RBPJ: variants seen among roughly 807,000 people sequenced by gnomAD.
The protein encoded by RBPJ is recombination signal binding protein for immunoglobulin kappa J region.
A neutral mutation model predicts 67.8 loss-of-function variants in RBPJ; 9 were observed. The ratio of observed to expected loss-of-function variants is 0.13; its 90% CI spans 0.08 to 0.23. The LOEUF is 0.23. RBPJ is among the 10% of genes least tolerant of loss of function. The pLI is 1.00. For synonymous variants in RBPJ, 198 were observed against 203.3 expected, an observed-to-expected ratio of 0.97 and a Z score of 0.22; for missense variants, 305 against 595.6, an observed-to-expected ratio of 0.51 and a Z score of 5.08.
intron 1 of RBPJ, among the ~76,000 whole-genome samples, chr4:26,215,276 A>T (rs369472912): frequency 3.2e-5 from 2 of 63,250 alleles, no homozygotes. Flanking sequence ...AGGGAGGAAA[A>T]AGAGAGAGAA....
the RBPJ span, among the ~76,000 whole-genome samples, chr4:26,124,459 T>TATATATATATAC: frequency 2.5e-5 from 3 of 119,000 alleles, no homozygotes; most frequent in African/African-American, 9.2e-5. Context: ...TATATATATA[T>TATATATATATAC]ATACCAGTTT....
At chr4:26,235,550 T>C (rs75639924) in intron 1 of RBPJ, among the ~76,000 whole-genome samples, 9 of 152,204 alleles carry the variant, frequency 5.9e-5, no homozygotes, top group Admixed American at 2.0e-4. Flanking sequence ...ATGATCATCT[T>C]TGGTGATGCA....
intron 1 of RBPJ, among the ~76,000 whole-genome samples, chr4:26,175,731 C>T (rs1350664830): frequency 6.6e-6 from 1 of 152,208 alleles, no homozygotes; most frequent in Non-Finnish European, 1.5e-5. Context: ...GCACACACAC[C>T]AAAGGACACT....
chr4:26,263,159 AC>A (rs1477633670), intron 1 of RBPJ, among the ~76,000 whole-genome samples: 9 of 151,480 alleles, frequency 5.9e-5, no homozygotes, highest in Non-Finnish European at 1.2e-4. Context: ...AGCTGATGTA[AC>A]AAATAAACCC....
At position 26,430,192 on chromosome 4, in the gene RBPJ, A is replaced by G. The variant is rs1423764071; in HGVS notation, c.1044+139A>G. On this transcript the variant is annotated intron_variant, in intron 9 of 10. Coordinates refer to ENST00000355476, the MANE Select transcript of RBPJ (RefSeq NM_015874.6). This position sits in a 1 kb window ranked among gnomAD's most constrained non-coding sequence, Gnocchi z 4.1. The stretch of plus-strand genomic sequence containing the variant: ...GGATTTTTATATACACCATTTGTTG[A>G]TTTAAAGAAAAAAAAACAAAATTAG... The G allele has an allele frequency of 1.9e-6, 2 of 1,059,132 alleles. No homozygotes were observed. The highest frequency in any genetic ancestry group is 2.8e-6 in the Non-Finnish European group (2 of 722,992). 65.6% of individuals were successfully genotyped at this position (1,059,132 alleles called of 1,614,324 possible).
intron 1 of RBPJ, chr4:26,362,487 A>G: frequency 6.7e-7 from 1 of 1,500,934 alleles, no homozygotes; most frequent in South Asian, 1.4e-5. Flanking sequence ...GAAGCATTAT[A>G]GTTCTTCGGA....
chr4:26,327,131 C>T (rs188920937), intron 1 of RBPJ, among the ~76,000 whole-genome samples: 3 of 152,208 alleles, frequency 2.0e-5, no homozygotes, highest in Admixed American at 1.3e-4. Context: ...TTAGGCCTGG[C>T]ACAACATCAT....
intron 1 of RBPJ, among the ~76,000 whole-genome samples, chr4:26,210,756 T>TTTCC (rs200413527): frequency 0.027 from 2,943 of 107,690 alleles, 63 homozygotes; most frequent in South Asian, 0.047. Flanking sequence ...TCTTTCCTTC[T>TTTCC]TTCTTTCTTT....
At chr4:26,151,762 C>A in the RBPJ span, among the ~76,000 whole-genome samples, 1 of 152,204 alleles carries the variant, frequency 6.6e-6, no homozygotes, top group Non-Finnish European at 1.5e-5. Flanking sequence ...CATTACAAAT[C>A]TCTGTTTGTT....
chr4:26,253,405 G>A (rs562502580), intron 1 of RBPJ, among the ~76,000 whole-genome samples: 5 of 141,668 alleles, frequency 3.5e-5, no homozygotes. Flanking sequence ...TCCGCCTTCC[G>A]GGTTCACGCC....
At chr4:26,335,541 T>G (rs2109370668) in intron 1 of RBPJ, among the ~76,000 whole-genome samples, 1 of 151,988 alleles carries the variant, frequency 6.6e-6, no homozygotes, top group South Asian at 2.1e-4. Context: ...TGCCATTGCC[T>G]TACTCTCCAG....
chr4:26,267,375 C>G (rs1016905498), intron 1 of RBPJ, among the ~76,000 whole-genome samples: 2 of 152,112 alleles, frequency 1.3e-5, no homozygotes, highest in South Asian at 4.1e-4. Context: ...AGGATCATTC[C>G]TGGGTTCCTC....
chr4:26,318,147 A>C (rs535074851), upstream of RBPJ, among the ~76,000 whole-genome samples: 2 of 152,106 alleles, frequency 1.3e-5, no homozygotes, highest in African/African-American at 4.8e-5. Flanking sequence ...ACACACACAC[A>C]CACCCCTAAA....
the RBPJ span, among the ~76,000 whole-genome samples, chr4:26,115,695 A>T: frequency 6.5e-3 from 984 of 152,212 alleles, 19 homozygotes; most frequent in East Asian, 0.045. Flanking sequence ...TTCACAAGGA[A>T]CTGTATTACA....
Position 26,386,351 on chromosome 4 carries a change from A to G in RBPJ, c.21-2A>G. On this transcript the variant is annotated splice_acceptor_variant, in intron 1 of 10. Coordinates refer to ENST00000355476, the MANE Select transcript of RBPJ (RefSeq NM_015874.6). LOFTEE classifies it high-confidence loss of function. ...TTATTTTCTTTATTTTTTTTTTTCCAGGAAATTTGGTGAGCGGCCTCCACC... is the reference window on the plus strand; with the variant it reads ...TTATTTTCTTTATTTTTTTTTTTCCGGGAAATTTGGTGAGCGGCCTCCACC... The G allele has an allele frequency of 6.3e-7, 1 of 1,593,616 alleles. No homozygotes were observed. Among genetic ancestry groups the G allele is most frequent in the South Asian group, 1.1e-5 (1 of 88,062 alleles).
At chr4:26,126,360 G>A in the RBPJ span, among the ~76,000 whole-genome samples, 1 of 152,094 alleles carries the variant, frequency 6.6e-6, no homozygotes, top group African/African-American at 2.4e-5. Context: ...TCCCCTTTTC[G>A]GGGAATCCCC....
chr4:26,195,846 G>A (rs1213465214), intron 1 of RBPJ, among the ~76,000 whole-genome samples: 3 of 152,070 alleles, frequency 2.0e-5, no homozygotes, highest in East Asian at 3.9e-4. Flanking sequence ...TGCCTGCCTC[G>A]GCCTCCCAAG....
chr4:26,159,840 G>T (rs1022684009), upstream of RBPJ, among the ~76,000 whole-genome samples: 1 of 152,048 alleles, frequency 6.6e-6, no homozygotes, highest in Non-Finnish European at 1.5e-5. Flanking sequence ...TTTCAAGATG[G>T]TACCAGCAGT....
chr4:26,380,983 T>TA (rs1486950885), intron 1 of RBPJ, among the ~76,000 whole-genome samples: 1 of 150,732 alleles, frequency 6.6e-6, no homozygotes, highest in Non-Finnish European at 1.5e-5. Flanking sequence ...CTACTGCTGT[T>TA]ACTAGACAGC....
Sources: allele counts gnomAD v4.1 joint callset (sites outside exome capture counted in the v4.1 genomes callset), GRCh38; gene constraint gnomAD v4.1.1; non-coding constraint Gnocchi (gnomAD v3.1); transcripts MANE v1.5; gene names NCBI Gene and HGNC (gene_info 2026-07-23, HGNC 2026-07-21).